The following PSTPIP2 variants were observed in gnomAD, a reference collection of about 807,000 sequenced individuals.
PSTPIP2 encodes proline-serine-threonine phosphatase interacting protein 2.
Under a neutral mutation model 63.3 loss-of-function variants are expected in PSTPIP2, and 33 were observed. The observed-to-expected ratio is 0.52, with a 90% confidence interval of 0.40 to 0.70. The LOEUF (loss-of-function observed/expected upper bound fraction) is 0.70, where lower values mean the gene tolerates loss of function less well. Among genes scored for constraint, PSTPIP2 ranks in the 30% least tolerant of loss-of-function variants. PSTPIP2 has a pLI of 0.00. For synonymous variants in PSTPIP2, 125 were observed against 132.7 expected (o/e 0.94, Z 0.40); for missense variants, 312 against 400.7 (o/e 0.78, Z 1.89).
At chr18:46,029,262 G>A (rs148162468) in intron 2 of PSTPIP2, 1 of 1,298,290 alleles carries the variant, frequency 7.7e-7, no homozygotes, top group African/African-American at 1.4e-5. Context: ...CTCCCCAGAT[G>A]GGTCCTTCTT....
chr18:46,020,510 A>G (rs1293225564), intron 3 of PSTPIP2, among the ~76,000 whole-genome samples: 1 of 152,158 alleles, frequency 6.6e-6, no homozygotes, highest in African/African-American at 2.4e-5. Context: ...AAAATTAGCC[A>G]GGTGGGGTGG....
At chr18:46,031,805 C>T (rs550885623) in intron 2 of PSTPIP2, among the ~76,000 whole-genome samples, 1 of 152,288 alleles carries the variant, frequency 6.6e-6, no homozygotes, top group African/African-American at 2.4e-5. Context: ...TGAATCTAAA[C>T]ATACCATAGG....
intron 1 of PSTPIP2, among the ~76,000 whole-genome samples, chr18:46,054,509 A>C (rs995542546): frequency 1.3e-5 from 2 of 152,234 alleles, no homozygotes; most frequent in South Asian, 2.1e-4. Context: ...TCAGTGAATA[A>C]TAATGTATAC....
At chr18:46,028,694 TA>T in intron 2 of PSTPIP2, 2 of 878,520 alleles carry the variant, frequency 2.3e-6, no homozygotes, top group Non-Finnish European at 3.8e-6. Context: ...TTCGGAAAGA[TA>T]ATGATGAAAA....
chr18:46,017,751 C>T lies in PSTPIP2; in HGVS notation c.213-1814G>A, dbSNP rs137928190. ...AGTTACATATGTATTACCTCATGTA[C>T]TTACACTTTTTGTGATGAGAACACT... On this transcript the variant is annotated intron_variant, in intron 3 of 14. Coordinates refer to ENST00000409746, the MANE Select transcript of PSTPIP2 (RefSeq NM_024430.4). 2.2e-3 allele frequency among the ~76,000 whole-genome samples: 330 copies of T among 152,168 alleles called. 2 individuals carry two copies. Among genetic ancestry groups the T allele is most frequent in the African/African-American group, 7.0e-3 (292 of 41,532 alleles).
intron 1 of PSTPIP2, among the ~76,000 whole-genome samples, chr18:46,071,232 G>C (rs559809240): frequency 6.6e-6 from 1 of 152,244 alleles, no homozygotes; most frequent in East Asian, 1.9e-4. Flanking sequence ...GGTGGGTGGT[G>C]GGGGGAGGCA....
chr18:46,048,614 C>T (rs74948692), intron 1 of PSTPIP2, among the ~76,000 whole-genome samples: 1,934 of 152,226 alleles, frequency 0.013, 40 homozygotes, highest in African/African-American at 0.043. Context: ...CATCAGGAAA[C>T]GGGCAAACTC....
At chr18:46,059,853 C>A (rs898802010) in intron 1 of PSTPIP2, among the ~76,000 whole-genome samples, 73 of 152,014 alleles carry the variant, frequency 4.8e-4, no homozygotes, top group African/African-American at 1.7e-3. Flanking sequence ...CATGGTGAAA[C>A]CCCGTCTCTA....
intron 1 of PSTPIP2, among the ~76,000 whole-genome samples, chr18:46,055,002 A>C (rs1908708874): frequency 6.6e-6 from 1 of 152,302 alleles, no homozygotes; most frequent in Non-Finnish European, 1.5e-5. Flanking sequence ...ACTAGTTTTT[A>C]GTGACTTGAT....
At chr18:45,993,399 A>T (rs1480991942) in intron 10 of PSTPIP2, among the ~76,000 whole-genome samples, 1 of 152,180 alleles carries the variant, frequency 6.6e-6, no homozygotes, top group Non-Finnish European at 1.5e-5. Flanking sequence ...CCAGCCATGA[A>T]TCTCTTAATG....
intron 1 of PSTPIP2, among the ~76,000 whole-genome samples, chr18:46,054,462 G>A (rs776626579): frequency 7.9e-5 from 12 of 151,944 alleles, no homozygotes; most frequent in Non-Finnish European, 1.8e-4. Flanking sequence ...AAAACCCATG[G>A]GACACAAAGA....
rs1479571209 is a variant in PSTPIP2 at position 45,991,811 on chromosome 18, T to C, written c.920+91A>G. On this transcript the variant is annotated intron_variant, in intron 12 of 14. Coordinates refer to ENST00000409746, the MANE Select transcript of PSTPIP2 (RefSeq NM_024430.4). ...CTTATTAAGCAGATGCAGTAGTAGA[T>C]ATGTTCCAATTCTAACATGTCTTAG... is the stretch of plus-strand genomic sequence containing the variant. 2.4e-6 allele frequency: 3 copies of C among 1,238,458 alleles called. No homozygotes were observed. In the African/African-American group the frequency reaches 4.5e-5, roughly 19 times the overall value. 76.7% of individuals were successfully genotyped at this position (1,238,458 alleles called of 1,614,324 possible). A position where few individuals can be genotyped will look rare whatever the true frequency, so the allele number is the denominator to read the frequency against.
intron 4 of PSTPIP2, among the ~76,000 whole-genome samples, chr18:46,013,507 C>A (rs1401845798): frequency 6.6e-6 from 1 of 151,842 alleles, no homozygotes; most frequent in Non-Finnish European, 1.5e-5. Flanking sequence ...TGGATAGGAC[C>A]CCTTGAAAAC....
chr18:46,054,181 T>C (rs962723710), intron 1 of PSTPIP2, among the ~76,000 whole-genome samples: 1 of 152,226 alleles, frequency 6.6e-6, no homozygotes, highest in African/African-American at 2.4e-5. Context: ...TGTTTTTAAA[T>C]GGTACATCTG....
intron 2 of PSTPIP2, among the ~76,000 whole-genome samples, chr18:46,026,296 T>C (rs1182143364): frequency 6.6e-6 from 1 of 152,224 alleles, no homozygotes; most frequent in Non-Finnish European, 1.5e-5. Context: ...GAACTTCTTT[T>C]TGAATTTGCA....
At position 46,005,462 on chromosome 18, in the gene PSTPIP2, G is replaced by A; in HGVS notation, c.417+7C>T. 1 of 1,580,860 alleles carries A rather than the reference G, an allele frequency of 6.3e-7. No homozygotes were observed. Among genetic ancestry groups the A allele is most frequent in the Non-Finnish European group, 8.7e-7 (1 of 1,151,848 alleles). ...TATCCCAAAAAAGACAATAAAATGT[G>A]ACTCACATCCATGGTTTTCTTGAAT... On this transcript the variant is annotated splice_region_variant and intron_variant, in intron 6 of 14. Coordinates refer to ENST00000409746, the MANE Select transcript of PSTPIP2 (RefSeq NM_024430.4).
chr18:46,013,112 A>G (rs1310372240), intron 4 of PSTPIP2, among the ~76,000 whole-genome samples: 9 of 151,440 alleles, frequency 5.9e-5, no homozygotes, highest in Admixed American at 5.3e-4. Context: ...AATAAAACTT[A>G]TTTTTTTAGA....
intron 6 of PSTPIP2, among the ~76,000 whole-genome samples, chr18:46,003,463 C>T (rs763737812): frequency 9.9e-5 from 15 of 152,162 alleles, no homozygotes; most frequent in African/African-American, 2.9e-4. Context: ...AGGTTTTTTA[C>T]GTGGTGTTTG....
At chr18:46,060,248 C>T (rs1266340338) in intron 1 of PSTPIP2, among the ~76,000 whole-genome samples, 4 of 152,132 alleles carry the variant, frequency 2.6e-5, no homozygotes, top group Admixed American at 6.6e-5. Context: ...TGGTATTTCA[C>T]TGCAATTCCT....
Sources: allele counts gnomAD v4.1 joint callset (sites outside exome capture counted in the v4.1 genomes callset), GRCh38; gene constraint gnomAD v4.1.1; transcripts MANE v1.5; gene names NCBI Gene and HGNC (gene_info 2026-07-23, HGNC 2026-07-21).